HOGA1: variants seen among roughly 807,000 people sequenced by gnomAD.
The protein encoded by HOGA1 is 4-hydroxy-2-oxoglutarate aldolase 1.
HOGA1 carries 30 observed loss-of-function variants against 34.3 expected under a neutral mutation model. The ratio of observed to expected loss-of-function variants is 0.87; its 90% CI spans 0.65 to 1.19. The LOEUF is 1.19. HOGA1 is among the 50% of genes most tolerant of loss of function. The pLI is 0.00. For missense variants in HOGA1, 417 were observed against 436.5 expected (o/e 0.96, Z 0.40); for synonymous variants, 161 against 174.0 (o/e 0.93, Z 0.59).
At chr10:97,602,044 C>A in intron 6 of HOGA1, 54 bp downstream of exon 6, 1 of 1,573,830 alleles carries the variant, frequency 6.4e-7, no homozygotes, top group South Asian at 1.2e-5. Flanking sequence ...AGTCTGTGTC[C>A]TCATTGGAGC....
rs115431683 is a variant in HOGA1, at chr10:97,611,609, G to C, written c.934G>C (p.Ala312Pro). The change falls in exon 7 of 7, where the codon GCT (alanine) becomes CCT (proline). Residue 312 changes from alanine (A) to proline (P), a missense_variant. Physicochemically the swap from Ala to Pro is conservative, Grantham distance 27. Coordinates refer to ENST00000370646, the MANE Select transcript of HOGA1 (RefSeq NM_138413.4). ...CRAPLQELSP[A>P]EEEALRMDFT... is the part of the protein sequence containing the mutation. ...CGCCCCCTTGCAGGAGCTGAGCCCC[G>C]CTGAGGAGGAGGCACTGCGCATGGA... The C allele has an allele frequency of 2.5e-6, 4 of 1,614,114 alleles. No homozygotes were observed. The highest frequency in any genetic ancestry group is 3.4e-6 in the Non-Finnish European group (4 of 1,180,032).
At chr10:97,606,524 G>A (rs1329132531) in intron 6 of HOGA1, among the ~76,000 whole-genome samples, 1 of 151,800 alleles carries the variant, frequency 6.6e-6, no homozygotes, top group East Asian at 1.9e-4. Flanking sequence ...TTCCTCCATT[G>A]AACTGCTTGC....
At chr10:97,600,989 A>C (rs2041111120) in intron 5 of HOGA1, 1 of 151,854 alleles carries the variant, frequency 6.6e-6, no homozygotes, top group African/African-American at 2.4e-5. Context: ...GGCTGGGGGG[A>C]ATCTCAGCTC....
intron 6 of HOGA1, among the ~76,000 whole-genome samples, chr10:97,606,890 C>A (rs1254938226): frequency 6.6e-6 from 1 of 152,128 alleles, no homozygotes; most frequent in Admixed American, 6.6e-5. Context: ...TGGTACATTT[C>A]TCTGTTTATT....
At chr10:97,586,723 C>T (rs1460841312) in intron 1 of HOGA1, among the ~76,000 whole-genome samples, 2 of 152,172 alleles carry the variant, frequency 1.3e-5, no homozygotes, top group East Asian at 3.8e-4. Context: ...CTGGACCCTC[C>T]CTTCTGGGCC....
At chr10:97,601,764 A>T in intron 5 of HOGA1, 93 bp from the exon 6 acceptor site, 1 of 1,448,858 alleles carries the variant, frequency 6.9e-7, no homozygotes, top group Non-Finnish European at 9.7e-7. Flanking sequence ...ATCTGTATCT[A>T]ATGTCCCCAG....
Position 97,601,869 on chromosome 10 carries a change from G to A in HOGA1, c.713G>A (p.Gly238Asp). The change falls in exon 6 of 7, where the codon GGC becomes GAC. Residue 238 changes from glycine to aspartate, a missense_variant. By Grantham distance (94) the Gly-to-Asp change is moderately conservative. Transcript: ENST00000370646. ...MASYALGAVG[G>D]VCALANVLGA... ...TTACTTCGTGCAGGAGCTGTGGGGG[G>A]CGTCTGCGCCCTGGCCAATGTCCTG... 6.2e-7 allele frequency: 1 copy of A among 1,612,380 alleles called. No homozygotes were observed. The highest frequency in any genetic ancestry group is 1.1e-5 in the South Asian group (1 of 90,986).
Position 97,598,875 on chromosome 10 carries a change from G to A in HOGA1, c.312G>A (p.Arg104=). ...SRVRQAMPKN[R]LLLAGSGCES... ...TGCGCCAGGCCATGCCCAAGAACAGGCTCCTGCTAGCTGGCTCCGGATGCG... is the reference window on the plus strand; with the variant it reads ...TGCGCCAGGCCATGCCCAAGAACAGACTCCTGCTAGCTGGCTCCGGATGCG... Residue 104 remains arginine (R), a synonymous_variant, in exon 2 of 7, where the codon AGG becomes AGA. Coordinates refer to ENST00000370646, the MANE Select transcript of HOGA1 (RefSeq NM_138413.4). 5 of 1,614,104 alleles carry A rather than the reference G, an allele frequency of 3.1e-6. No individual in the cohort carries two copies. The highest frequency in any genetic ancestry group is 1.1e-5 in the South Asian group (1 of 91,092).
rs562456928 is a variant in HOGA1, at chr10:97,593,476, CA to C, written c.212-5291del. Among the ~76,000 whole-genome samples, 736 of 150,314 alleles carry C rather than the reference CA, an allele frequency of 4.9e-3. 5 individuals carry two copies. Among genetic ancestry groups the C allele is most frequent in the African/African-American group, 0.016 (668 of 40,912 alleles). ...TGGGTAACAGAGCCAGACTCTGTCT[CA>C]AAAAAAACATAAAAAAGAAAAAAAT... On this transcript the variant is annotated intron_variant, in intron 1 of 6. Transcript: ENST00000370646.
chr10:97,587,102 G>C (rs1260251423), intron 1 of HOGA1, among the ~76,000 whole-genome samples: 1 of 152,082 alleles, frequency 6.6e-6, no homozygotes, highest in Non-Finnish European at 1.5e-5. Context: ...AGAGATAGAG[G>C]GTCCCTTCCC....
chr10:97,597,993 A>G (rs1440105947), intron 1 of HOGA1, among the ~76,000 whole-genome samples: 1 of 152,254 alleles, frequency 6.6e-6, no homozygotes, highest in Non-Finnish European at 1.5e-5. Context: ...GAAGGTGCAC[A>G]TAGCTATGAC....
intron 1 of HOGA1, among the ~76,000 whole-genome samples, chr10:97,591,848 T>C (rs907114234): frequency 3.3e-5 from 5 of 150,190 alleles, no homozygotes; most frequent in African/African-American, 1.2e-4. Flanking sequence ...TGTGTGTGTG[T>C]GTGTGTGTGT....
chr10:97,600,666 C>T, intron 5 of HOGA1: 1 of 193,618 alleles, frequency 5.2e-6, no homozygotes, highest in Non-Finnish European at 1.1e-5. Context: ...CTGCTCTTGT[C>T]TGTTTGGGGT....
intron 1 of HOGA1, among the ~76,000 whole-genome samples, chr10:97,591,218 C>T (rs910127300): frequency 7.2e-5 from 11 of 152,038 alleles, no homozygotes; most frequent in African/African-American, 2.7e-4. Context: ...AGGAGAGTAA[C>T]TAAGCCAGGT....
chr10:97,605,570 C>T (rs2041151250), intron 6 of HOGA1, among the ~76,000 whole-genome samples: 1 of 152,158 alleles, frequency 6.6e-6, no homozygotes. Context: ...TGCAGCTTTG[C>T]CAGCATTTGT....
Position 97,598,873 on chromosome 10 carries a change from A to G in HOGA1, c.310A>G (p.Arg104Gly), listed in dbSNP as rs780440214. ...TGTGCGCCAGGCCATGCCCAAGAAC[A>G]GGCTCCTGCTAGCTGGCTCCGGATG... ...SRVRQAMPKN[R>G]LLLAGSGCES... Residue 104 changes from arginine (R) to glycine (G), a missense_variant, in exon 2 of 7, where the codon AGG (arginine) becomes GGG (glycine). Transcript: ENST00000370646. 8 of 1,614,138 alleles carry G rather than the reference A, an allele frequency of 5.0e-6. No homozygotes were observed. The highest frequency in any genetic ancestry group is 6.8e-6 in the Non-Finnish European group (8 of 1,180,028).
chr10:97,605,303 A>G (rs914006808), intron 6 of HOGA1, among the ~76,000 whole-genome samples: 4 of 151,502 alleles, frequency 2.6e-5, no homozygotes, highest in Non-Finnish European at 5.9e-5. Context: ...ACGACTTGGG[A>G]GGCTGAGGCA....
rs549101332 is a variant in HOGA1, at chr10:97,612,741, C to T, written c.*1082C>T. 1.3e-5 allele frequency: 2 copies of T among 152,294 alleles called. No homozygotes were observed. The highest frequency in any genetic ancestry group is 4.8e-5 in the African/African-American group (2 of 41,552). The allele number at this position is 152,294 out of a possible 1,614,324, so 9.4% of individuals were successfully genotyped here. On this transcript the variant is annotated 3_prime_UTR_variant, in exon 7 of 7. Coordinates refer to ENST00000370646, the MANE Select transcript of HOGA1 (RefSeq NM_138413.4). ...ATAGGGCCATCCACTTGCCTACAGG[C>T]ACTCTGCTTTTATTATTAAAAATAG...
chr10:97,597,441 A>C (rs758036103), intron 1 of HOGA1, among the ~76,000 whole-genome samples: 5 of 152,060 alleles, frequency 3.3e-5, no homozygotes, highest in Admixed American at 6.6e-5. Context: ...GAAGAAAGAG[A>C]AAGTTAAGCG....
Sources: allele counts gnomAD v4.1 joint callset (sites outside exome capture counted in the v4.1 genomes callset), GRCh38; gene constraint gnomAD v4.1.1; transcripts MANE v1.5; gene names NCBI Gene and HGNC (gene_info 2026-07-23, HGNC 2026-07-21).